Variants in SLC8A1 observed in about 807,000 individuals in gnomAD.
SLC8A1 encodes the protein sodium/calcium exchanger 1.
A neutral mutation model predicts 68.3 loss-of-function variants in SLC8A1; 18 were observed. The observed-to-expected ratio is 0.26, with a 90% CI of 0.18 to 0.39. The LOEUF is 0.39. Among genes scored for constraint, SLC8A1 ranks in the 10% least tolerant of loss-of-function variants. The pLI is 1.00. For missense variants in SLC8A1, 985 were observed against 1,156.7 expected (o/e 0.85, Z 2.15); for synonymous variants, 475 against 415.5 (o/e 1.14, Z -1.74).
exon 8 of SLC8A1, chr2:40,114,107 T>C (rs2034921284): frequency 6.5e-6 from 1 of 152,806 alleles, no homozygotes; most frequent in Non-Finnish European, 1.5e-5. Flanking sequence ...GAGAACAGTA[T>C]GTACTATACT....
At chr2:40,396,300 G>A (rs771460008) in intron 2 of SLC8A1, among the ~76,000 whole-genome samples, 5 of 152,086 alleles carry the variant, frequency 3.3e-5, no homozygotes, top group Non-Finnish European at 7.4e-5. Context: ...GTAACTTGAA[G>A]AGCGCTGCTT....
chr2:40,403,790 G>A (rs148170380), intron 2 of SLC8A1, among the ~76,000 whole-genome samples: 12 of 152,266 alleles, frequency 7.9e-5, no homozygotes, highest in African/African-American at 2.2e-4. Context: ...CAAAATATGT[G>A]TAACTAATAA....
intron 6 of SLC8A1, among the ~76,000 whole-genome samples, chr2:40,143,604 T>C (rs1344925109): frequency 6.6e-6 from 1 of 152,150 alleles, no homozygotes. Context: ...ACTTCTTAAA[T>C]ATAACTACAA....
rs561634448 is a variant in SLC8A1, at chr2:40,437,831, G to A, written c.-24-7527C>T. On this transcript the variant is annotated intron_variant, in intron 1 of 7. Transcript: ENST00000406785. The stretch of plus-strand genomic sequence containing the variant: ...AAGCTTTTCTTAGCCACTCATATAT[G>A]CCAGACACTGTGTTTCAAAGATAAA... Among the ~76,000 whole-genome samples the A allele has an allele frequency of 4.5e-4, 68 of 152,088 alleles. 1 individual carries two copies. The highest frequency in any genetic ancestry group is 1.0e-3 in the South Asian group (5 of 4,806).
intron 1 of SLC8A1, among the ~76,000 whole-genome samples, chr2:40,509,192 G>C (rs893067684): frequency 1.3e-5 from 2 of 152,106 alleles, no homozygotes; most frequent in African/African-American, 4.8e-5. Context: ...ATTGAAAGCG[G>C]TTCTTCATAG....
intron 2 of SLC8A1, among the ~76,000 whole-genome samples, chr2:40,190,141 G>T (rs1029576282): frequency 6.6e-6 from 1 of 152,100 alleles, no homozygotes; most frequent in Non-Finnish European, 1.5e-5. Flanking sequence ...TAAATCACTC[G>T]CAAATGCCAT....
intron 1 of SLC8A1, among the ~76,000 whole-genome samples, chr2:40,439,101 G>A (rs909619088): frequency 1.3e-5 from 2 of 152,034 alleles, no homozygotes; most frequent in African/African-American, 4.8e-5. Flanking sequence ...CAGGAGGTGG[G>A]GGACTAGAGG....
chr2:40,212,930 G>T (rs1348991144), intron 2 of SLC8A1, among the ~76,000 whole-genome samples: 1 of 152,140 alleles, frequency 6.6e-6, no homozygotes, highest in Non-Finnish European at 1.5e-5. Context: ...GGGCAAGAGA[G>T]CTAAGGCTAA....
intron 1 of SLC8A1, among the ~76,000 whole-genome samples, chr2:40,442,588 A>G (rs577953093): frequency 1.1e-4 from 16 of 152,178 alleles, no homozygotes; most frequent in Non-Finnish European, 2.1e-4. Context: ...GGCAATTATT[A>G]AAAAGTCAGG....
chr2:40,253,289 TGTATATACAC>T (rs1252610648), intron 2 of SLC8A1, among the ~76,000 whole-genome samples: 6 of 150,542 alleles, frequency 4.0e-5, no homozygotes, highest in African/African-American at 1.5e-4. Context: ...CGTATATATG[TGTATATACAC>T]ATATATACAC....
intron 1 of SLC8A1, among the ~76,000 whole-genome samples, chr2:40,493,831 G>A (rs1001839679): frequency 2.6e-5 from 4 of 151,880 alleles, no homozygotes; most frequent in African/African-American, 7.2e-5. Context: ...TTGACAACCA[G>A]TCAGTAGCTA....
chr2:40,174,981 C>T, intron 3 of SLC8A1, 139 bp from the exon 5 acceptor site: 1 of 819,620 alleles, frequency 1.2e-6, no homozygotes. Context: ...GGAAAATGTT[C>T]ATGACTGAAT....
chr2:40,290,611 T>C (rs756649756), intron 2 of SLC8A1, among the ~76,000 whole-genome samples: 12 of 152,104 alleles, frequency 7.9e-5, no homozygotes, highest in Non-Finnish European at 1.3e-4. Context: ...TGAAGAAAAA[T>C]GGATATTTTA....
At chr2:40,374,381 CA>C (rs1249449930) in intron 2 of SLC8A1, among the ~76,000 whole-genome samples, 1 of 150,282 alleles carries the variant, frequency 6.7e-6, no homozygotes, top group Non-Finnish European at 1.5e-5. Flanking sequence ...AAAACAAAAA[CA>C]AAAACAAAAT....
At chr2:40,443,751 T>C (rs1378973034) in intron 1 of SLC8A1, among the ~76,000 whole-genome samples, 4 of 152,162 alleles carry the variant, frequency 2.6e-5, no homozygotes, top group Non-Finnish European at 5.9e-5. Context: ...GAAGTCATTT[T>C]CCCTCTCTTA....
At chr2:40,452,081 G>C (rs946104814), upstream of SLC8A1, 1 of 150,138 alleles carries the variant, frequency 6.7e-6, no homozygotes, top group East Asian at 2.0e-4. Flanking sequence ...GCGCGAGCGG[G>C]AGCCGCGGCA....
chr2:40,399,547 TA>T (rs1209576857), intron 2 of SLC8A1, among the ~76,000 whole-genome samples: 1 of 152,102 alleles, frequency 6.6e-6, no homozygotes, highest in African/African-American at 2.4e-5. Flanking sequence ...ATCCAAAAAA[TA>T]AAAAGACTGC....
intron 5 of SLC8A1, among the ~76,000 whole-genome samples, chr2:40,163,491 T>C (rs2046031607): frequency 6.6e-6 from 1 of 151,930 alleles, no homozygotes; most frequent in Non-Finnish European, 1.5e-5. Flanking sequence ...AAGAGGGAGG[T>C]TGAACACACA....
At chr2:40,346,047 TAAAAAAAAAAAAAAAAA>T (rs774555210) in intron 2 of SLC8A1, among the ~76,000 whole-genome samples, 4 of 41,696 alleles carry the variant, frequency 9.6e-5, no homozygotes, top group Non-Finnish European at 1.3e-4. Context: ...ACATTAACAG[TAAAAAAAAAAAAAAAAA>T]AAAAAAAAAG....
Sources: allele counts gnomAD v4.1 joint callset (sites outside exome capture counted in the v4.1 genomes callset), GRCh38; gene constraint gnomAD v4.1.1; transcripts MANE v1.5; gene names NCBI Gene and HGNC (gene_info 2026-07-23, HGNC 2026-07-21).